GRIP1: variants seen among roughly 807,000 people sequenced by gnomAD.
GRIP1 encodes the protein glutamate receptor-interacting protein 1.
In GRIP1, 45 loss-of-function variants were observed where a neutral mutation model predicts 129.9. The ratio of observed to expected loss-of-function variants is 0.35; its 90% confidence interval spans 0.27 to 0.44. The LOEUF is 0.44. GRIP1 is among the 20% of genes least tolerant of loss of function. The pLI, the probability that GRIP1 is intolerant of heterozygous loss-of-function variation, is 1.00. For synonymous variants in GRIP1, 530 were observed against 520.8 expected (o/e 1.02, Z -0.24); for missense variants, 1,196 against 1,396.8 (o/e 0.86, Z 2.29).
At chr12:67,043,730 T>C (rs941034082) in intron 1 of GRIP1, among the ~76,000 whole-genome samples, 1 of 152,088 alleles carries the variant, frequency 6.6e-6, no homozygotes, top group African/African-American at 2.4e-5. Context: ...AAAAACCCCA[T>C]AATCCACAAA....
intron 1 of GRIP1, among the ~76,000 whole-genome samples, chr12:67,034,200 G>C (rs916793931): frequency 4.6e-5 from 7 of 152,160 alleles, no homozygotes; most frequent in African/African-American, 1.7e-4. Context: ...GAACCTGCTG[G>C]AGGGCACATG....
intron 23 of GRIP1, 136 bp downstream of exon 23, chr12:66,371,558 G>A (rs2137291652): frequency 1.4e-6 from 1 of 708,806 alleles, no homozygotes; most frequent in East Asian, 2.5e-5. Flanking sequence ...CAAAGTCTCT[G>A]AAGATCTGTT....
intron 1 of GRIP1, among the ~76,000 whole-genome samples, chr12:66,767,691 C>A (rs2037687711): frequency 6.6e-6 from 1 of 151,988 alleles, no homozygotes; most frequent in African/African-American, 2.4e-5. Context: ...AATTACATAA[C>A]CACTGAAGCA....
At chr12:66,946,764 G>T (rs1265254877) in intron 1 of GRIP1, among the ~76,000 whole-genome samples, 1 of 115,552 alleles carries the variant, frequency 8.7e-6, no homozygotes, top group East Asian at 3.1e-4. Flanking sequence ...GGCAGCGGGG[G>T]TCGGGGGGTG....
intron 14 of GRIP1, among the ~76,000 whole-genome samples, chr12:66,423,204 C>T (rs1213659457): frequency 6.6e-6 from 1 of 152,198 alleles, no homozygotes; most frequent in Non-Finnish European, 1.5e-5. Flanking sequence ...GCTATATGTG[C>T]TTGAGCACAA....
chr12:66,933,969 T>C (rs111588015), intron 1 of GRIP1, among the ~76,000 whole-genome samples: 515 of 152,316 alleles, frequency 3.4e-3, no homozygotes, highest in Non-Finnish European at 6.1e-3. Context: ...TTCCTAACTC[T>C]ACTATCCTCC....
At chr12:66,642,401 G>T (rs1020499954) in intron 1 of GRIP1, among the ~76,000 whole-genome samples, 2 of 152,046 alleles carry the variant, frequency 1.3e-5, no homozygotes, top group African/African-American at 4.8e-5. Flanking sequence ...ACAGTGGAAG[G>T]GGAAAGAGGG....
At chr12:66,672,495 T>A (rs1326323738) in intron 1 of GRIP1, among the ~76,000 whole-genome samples, 2 of 152,098 alleles carry the variant, frequency 1.3e-5, no homozygotes, top group Admixed American at 1.3e-4. Context: ...GGTGCATTTT[T>A]TTTTTGGATA....
chr12:66,912,079 G>C (rs946112177), intron 1 of GRIP1, among the ~76,000 whole-genome samples: 1 of 151,958 alleles, frequency 6.6e-6, no homozygotes, highest in African/African-American at 2.4e-5. Context: ...GTTTTACTTT[G>C]TAATGATTAC....
chr12:66,920,186 C>T (rs12422377), intron 1 of GRIP1, among the ~76,000 whole-genome samples: 10,329 of 152,096 alleles, frequency 0.068, 498 homozygotes, highest in East Asian at 0.15. Flanking sequence ...CTGACTTTGA[C>T]GAACCTGTAT....
chr12:66,813,372 T>G (rs747977850), intron 1 of GRIP1, among the ~76,000 whole-genome samples: 5 of 152,228 alleles, frequency 3.3e-5, no homozygotes, highest in Non-Finnish European at 7.4e-5. Flanking sequence ...TCCAAGGACC[T>G]CCACTAGGCC....
At chr12:66,660,890 T>C (rs1382319790) in intron 1 of GRIP1, among the ~76,000 whole-genome samples, 6 of 152,022 alleles carry the variant, frequency 3.9e-5, no homozygotes, top group Non-Finnish European at 7.4e-5. Context: ...TTTATATGTG[T>C]GTATATATTT....
intron 1 of GRIP1, among the ~76,000 whole-genome samples, chr12:66,715,280 T>G (rs1012201147): frequency 1.8e-4 from 27 of 152,048 alleles, no homozygotes; most frequent in Admixed American, 1.6e-3. Context: ...ATACTACTTG[T>G]GCTTTCTGGA....
intron 1 of GRIP1, among the ~76,000 whole-genome samples, chr12:67,062,252 T>C (rs2043548714): frequency 6.6e-6 from 1 of 152,200 alleles, no homozygotes; most frequent in Non-Finnish European, 1.5e-5. Flanking sequence ...CCCTTTCTAG[T>C]CTAATGCTCC....
At chr12:66,676,618 AGAGT>A (rs79816010) in intron 1 of GRIP1, among the ~76,000 whole-genome samples, 3,892 of 152,260 alleles carry the variant, frequency 0.026, 75 homozygotes, top group Non-Finnish European at 0.041. Flanking sequence ...AATGTCTGGA[AGAGT>A]GAGTGTTAGG....
chr12:66,415,291 T>C (rs1460932747), intron 15 of GRIP1, among the ~76,000 whole-genome samples: 1 of 151,410 alleles, frequency 6.6e-6, no homozygotes, highest in South Asian at 2.1e-4. Context: ...CAAAAAAAGA[T>C]ATTCATGCAG....
intron 9 of GRIP1, among the ~76,000 whole-genome samples, chr12:66,458,712 CA>C (rs2059043708): frequency 6.6e-6 from 1 of 152,220 alleles, no homozygotes; most frequent in Admixed American, 6.5e-5. Context: ...CAAAGAGAAT[CA>C]AAGGCAGCCC....
intron 1 of GRIP1, among the ~76,000 whole-genome samples, chr12:66,997,701 G>T (rs1200902903): frequency 2.0e-5 from 3 of 152,114 alleles, no homozygotes; most frequent in Non-Finnish European, 4.4e-5. Flanking sequence ...AATTGGTCAA[G>T]ACGGAAAAAG....
intron 15 of GRIP1, among the ~76,000 whole-genome samples, chr12:66,412,010 G>T (rs574939941): frequency 1.3e-5 from 2 of 152,318 alleles, no homozygotes; most frequent in African/African-American, 2.4e-5. Context: ...ACTGATTGGG[G>T]TACCTGAAGG....
Sources: allele counts gnomAD v4.1 joint callset (sites outside exome capture counted in the v4.1 genomes callset), GRCh38; gene constraint gnomAD v4.1.1; transcripts MANE v1.5; gene names NCBI Gene and HGNC (gene_info 2026-07-23, HGNC 2026-07-21).